Variants in DOCK1 observed in about 807,000 individuals in gnomAD.
The protein encoded by DOCK1 is dedicator of cytokinesis protein 1.
Under a neutral mutation model 262.7 loss-of-function variants are expected in DOCK1, and 138 were observed. The observed-to-expected ratio is 0.53, with a 90% CI of 0.46 to 0.61. The LOEUF (loss-of-function observed/expected upper bound fraction) is 0.61. DOCK1 is among the 20% of genes least tolerant of loss of function. The pLI is 0.00. For synonymous variants in DOCK1, 866 were observed against 867.4 expected, an observed-to-expected ratio of 1.00 and a Z score of 0.03; for missense variants, 1,908 against 2,370.7, an observed-to-expected ratio of 0.80 and a Z score of 4.05.
intron 32 of DOCK1, among the ~76,000 whole-genome samples, chr10:127,360,724 C>T (rs1355072119): frequency 3.3e-5 from 5 of 151,918 alleles, no homozygotes; most frequent in Admixed American, 6.6e-5. Flanking sequence ...GGGTAGGGTC[C>T]GAGTGCCATG....
rs374265187 is a variant in DOCK1, at chr10:127,260,851, G to A, written c.3044+3422G>A. Among the ~76,000 whole-genome samples, 143 of 133,302 alleles carry A rather than the reference G, an allele frequency of 1.1e-3. 1 individual carries two copies. The East Asian group carries it at 0.019, about 18-fold the overall frequency. The allele number at this position is 133,302 out of a possible 152,430, so 87.5% of individuals were successfully genotyped here. A position where few individuals can be genotyped will look rare whatever the true frequency, so the allele number is the denominator to read the frequency against. ...TGCATGGGTGTGCGTGTGTGTACCCGTGCTCATCTGTGTGTGTGCATGTGT... is the reference window on the plus strand; with the variant it reads ...TGCATGGGTGTGCGTGTGTGTACCCATGCTCATCTGTGTGTGTGCATGTGT... On this transcript the variant is annotated intron_variant, in intron 29 of 51. Coordinates refer to ENST00000623213, the MANE Select transcript of DOCK1 (RefSeq NM_001290223.2).
At chr10:127,342,618 CT>C in intron 30 of DOCK1, among the ~76,000 whole-genome samples, 1 of 152,286 alleles carries the variant, frequency 6.6e-6, no homozygotes, top group South Asian at 2.1e-4. Flanking sequence ...CCCCTTACTT[CT>C]CAGGTAATTA....
chr10:127,296,965 T>C (rs2047900677), intron 29 of DOCK1, among the ~76,000 whole-genome samples: 2 of 152,274 alleles, frequency 1.3e-5, no homozygotes, highest in South Asian at 4.1e-4. Flanking sequence ...GTGTCAAGTG[T>C]TCTGAACAAC....
intron 47 of DOCK1, 74 bp from the exon 48 acceptor site, chr10:127,433,209 C>G (rs2069420820): frequency 1.3e-6 from 2 of 1,582,120 alleles, no homozygotes; most frequent in Non-Finnish European, 8.6e-7. Flanking sequence ...GCTAAGGCCA[C>G]TTTATCTCAG....
chr10:127,203,869 T>G (rs141179380), intron 27 of DOCK1, among the ~76,000 whole-genome samples: 33 of 152,220 alleles, frequency 2.2e-4, no homozygotes, highest in African/African-American at 6.7e-4. Flanking sequence ...AATCAAAAAC[T>G]TATTTTAAGA....
chr10:127,263,910 A>C (rs192826366), intron 29 of DOCK1, among the ~76,000 whole-genome samples: 2 of 152,160 alleles, frequency 1.3e-5, no homozygotes, highest in Non-Finnish European at 2.9e-5. Flanking sequence ...AATAACCCCT[A>C]CTAGAATTTT....
intron 27 of DOCK1, among the ~76,000 whole-genome samples, chr10:127,224,525 C>T (rs1310886492): frequency 1.3e-5 from 2 of 151,202 alleles, no homozygotes; most frequent in African/African-American, 2.4e-5. Flanking sequence ...TGCCACTGTA[C>T]TCCAGCCTAG....
chr10:127,057,650 T>C (rs1192967681), intron 22 of DOCK1, among the ~76,000 whole-genome samples: 1 of 152,220 alleles, frequency 6.6e-6, no homozygotes, highest in Non-Finnish European at 1.5e-5. Flanking sequence ...GTGTTTTCTG[T>C]GTGGGTGGAT....
At position 127,374,205 on chromosome 10, in the gene DOCK1, C is replaced by T; in HGVS notation, c.3666C>T (p.Val1222=). 6.2e-7 allele frequency: 1 copy of T among 1,609,624 alleles called. No individual in the cohort carries two copies. Among genetic ancestry groups the T allele is most frequent in the Non-Finnish European group, 8.5e-7 (1 of 1,178,632 alleles). Residue 1222 remains valine (V), a synonymous_variant, in exon 35 of 52, where the codon GTC becomes GTT. Coordinates refer to ENST00000623213, the MANE Select transcript of DOCK1 (RefSeq NM_001290223.2). ...ENKENRMSCT[V]NVLNFYKEIE... ...AAGAAAACCGCATGAGCTGCACCGTCAATGTGCTGGTGAGTGAAAGCTTAA... is the reference window on the plus strand; with the variant it reads ...AAGAAAACCGCATGAGCTGCACCGTTAATGTGCTGGTGAGTGAAAGCTTAA...
rs1230990478 is a variant in DOCK1, at chr10:127,012,842, A to T, written c.1201+468A>T. 6.6e-6 allele frequency among the ~76,000 whole-genome samples: 1 copy of T among 152,168 alleles called. No individual in the cohort carries two copies. Among genetic ancestry groups the T allele is most frequent in the East Asian group, 1.9e-4 (1 of 5,182 alleles). On this transcript the variant is annotated intron_variant, in intron 12 of 51. Coordinates refer to ENST00000623213, the MANE Select transcript of DOCK1 (RefSeq NM_001290223.2). The surrounding 1 kb of genome is among the most constrained non-coding windows in gnomAD (Gnocchi z 4.0). ...GCACTGACACGTTTCTGAGCAGCTG[A>T]CCTGCTGCTGGCAGAAGGAATGAAT...
chr10:127,047,956 G>T (rs527302924), intron 21 of DOCK1, among the ~76,000 whole-genome samples: 1 of 152,254 alleles, frequency 6.6e-6, no homozygotes, highest in South Asian at 2.1e-4. Context: ...TGGCTATTCC[G>T]AATAAGGCTG....
rs752509827 is a variant in DOCK1 at position 127,018,757 on chromosome 10, C to T, written c.1249C>T (p.Arg417Ter). The change falls in exon 13 of 52, where the codon CGA (arginine) becomes TGA (stop). Residue 417 changes from arginine (R) to a stop codon, truncating the protein, a stop_gained. Coordinates refer to ENST00000623213, the MANE Select transcript of DOCK1 (RefSeq NM_001290223.2). LOFTEE classifies it high-confidence loss of function. Reference sequence around the variant, plus strand: ...ACTTCCTGGAGATATCCATCAGATCCGAAAAGAGTTTCCGCATTTAGTGGA... The same window carrying T: ...ACTTCCTGGAGATATCCATCAGATCTGAAAAGAGTTTCCGCATTTAGTGGA... ...KLLPGDIHQI[R>*]KEFPHLVDRT... 9.3e-6 allele frequency: 15 copies of T among 1,613,822 alleles called. No individual in the cohort carries two copies. The highest frequency in any genetic ancestry group is 1.2e-5 in the Non-Finnish European group (14 of 1,179,894).
At chr10:127,290,656 G>A (rs2061318058) in intron 29 of DOCK1, among the ~76,000 whole-genome samples, 1 of 152,152 alleles carries the variant, frequency 6.6e-6, no homozygotes, top group Non-Finnish European at 1.5e-5. Flanking sequence ...CCGTATGAAT[G>A]TTACATAAAT....
chr10:127,069,716 C>T (rs1003903409), intron 23 of DOCK1, among the ~76,000 whole-genome samples: 2 of 152,060 alleles, frequency 1.3e-5, no homozygotes, highest in Admixed American at 6.5e-5. Flanking sequence ...AGGCTGGCAA[C>T]TCAGGTGAAG....
In DOCK1 at chr10:127,257,747, C is replaced by T. The variant is rs576012739; in HGVS notation, c.3044+318C>T. 5 of 216,590 alleles carry T rather than the reference C, an allele frequency of 2.3e-5. No homozygotes were observed. The South Asian group carries it at 6.8e-4, about 29-fold the overall frequency. 13.4% of individuals were successfully genotyped at this position (216,590 alleles called of 1,614,324 possible). A position where few individuals can be genotyped will look rare whatever the true frequency, so the allele number is the denominator to read the frequency against. On this transcript the variant is annotated intron_variant, in intron 29 of 51. Transcript: ENST00000623213. Reference sequence around the variant, plus strand: ...CGTCGCTCTGCGCTCTCATGTTACCCACATATTTGTATCAGCCCTAGGCAC... The same window carrying T: ...CGTCGCTCTGCGCTCTCATGTTACCTACATATTTGTATCAGCCCTAGGCAC...
At position 127,117,177 on chromosome 10, in the gene DOCK1, C is replaced by T. The variant is rs189107918; in HGVS notation, c.2623+6823C>T. On this transcript the variant is annotated intron_variant, in intron 25 of 51. Coordinates refer to ENST00000623213, the MANE Select transcript of DOCK1 (RefSeq NM_001290223.2). ...CCATCATAATTCATTGAATATCTTC[C>T]GTGTGCTCAGAACCATTGATTAGCG... Among the ~76,000 whole-genome samples, 5 of 152,222 alleles carry T rather than the reference C, an allele frequency of 3.3e-5. No individual in the cohort carries two copies. The East Asian group carries it at 9.7e-4, about 29-fold the overall frequency.
chr10:126,982,451 T>C (rs952168369), intron 4 of DOCK1, among the ~76,000 whole-genome samples: 1 of 151,952 alleles, frequency 6.6e-6, no homozygotes, highest in African/African-American at 2.4e-5. Context: ...AAAACTGATG[T>C]ATAAGATCAT....
intron 12 of DOCK1, among the ~76,000 whole-genome samples, chr10:127,018,007 C>G (rs1448848025): frequency 6.6e-6 from 1 of 152,214 alleles, no homozygotes; most frequent in Non-Finnish European, 1.5e-5. Flanking sequence ...ATAGACCCCA[C>G]CGGGTTTACT....
intron 23 of DOCK1, among the ~76,000 whole-genome samples, chr10:127,089,766 C>T (rs565504591): frequency 4.5e-4 from 69 of 152,284 alleles, no homozygotes; most frequent in Non-Finnish European, 8.2e-4. Flanking sequence ...CCAGTGCTGG[C>T]GTGTGGACAC....
Sources: gnomAD v4.1 joint callset for allele counts (sites outside exome capture counted in the v4.1 genomes callset) on GRCh38, gnomAD v4.1.1 for gene constraint, Gnocchi (gnomAD v3.1) non-coding constraint, MANE v1.5 for transcripts, NCBI Gene and HGNC (gene_info 2026-07-23, HGNC 2026-07-21) for gene names.